The following PNLIPRP3 variants were observed in gnomAD, a reference collection of about 807,000 sequenced individuals.
The protein encoded by PNLIPRP3 is pancreatic lipase-related protein 3.
Under a neutral mutation model 52.8 loss-of-function variants are expected in PNLIPRP3, and 58 were observed. The ratio of observed to expected loss-of-function variants is 1.10; its 90% confidence interval spans 0.89 to 1.37. PNLIPRP3 has a LOEUF of 1.37. PNLIPRP3 is among the 40% of genes most tolerant of loss of function. PNLIPRP3 has a pLI of 0.00. For missense variants in PNLIPRP3, 593 were observed against 561.6 expected (o/e 1.06, Z -0.57); for synonymous variants, 192 against 185.0 (o/e 1.04, Z -0.31).
chr10:116,438,432 T>A (rs529209014), intron 2 of PNLIPRP3, among the ~76,000 whole-genome samples: 40 of 152,286 alleles, frequency 2.6e-4, no homozygotes, highest in African/African-American at 9.1e-4. Context: ...GGCAGTCTTC[T>A]CCTATGCACT....
At chr10:116,442,405 C>A (rs58768950) in intron 2 of PNLIPRP3, among the ~76,000 whole-genome samples, 3,368 of 152,218 alleles carry the variant, frequency 0.022, 134 homozygotes, top group African/African-American at 0.078. Context: ...TGCTTCTAGG[C>A]ATGTTTTAAT....
At position 116,468,126 on chromosome 10, in the gene PNLIPRP3, C is replaced by CAAAAA. The variant is rs5788168; in HGVS notation, c.928-1037_928-1033dup. ...GGCAACAGAGCCAGACTCTGTCTCGCAAAAAAAAAAAAAAAAAAAAAAAAA... is the reference window on the plus strand; with the variant it reads ...GGCAACAGAGCCAGACTCTGTCTCGCAAAAAAAAAAAAAAAAAAAAAAAAAAAAAA... On this transcript the variant is annotated intron_variant, in intron 8 of 11. Coordinates refer to ENST00000369230, the MANE Select transcript of PNLIPRP3 (RefSeq NM_001011709.3). Among the ~76,000 whole-genome samples, 6 of 39,496 alleles carry CAAAAA rather than the reference C, an allele frequency of 1.5e-4. 1 individual carries two copies. The highest frequency in any genetic ancestry group is 1.9e-4 in the Non-Finnish European group (5 of 25,714). 25.9% of individuals were successfully genotyped at this position (39,496 alleles called of 152,430 possible).
At chr10:116,442,636 G>C (rs556125724) in intron 2 of PNLIPRP3, among the ~76,000 whole-genome samples, 3 of 152,138 alleles carry the variant, frequency 2.0e-5, no homozygotes, top group African/African-American at 2.4e-5. Flanking sequence ...GGCTGAGGTA[G>C]GAAGATCACT....
chr10:116,443,841 ATATG>A (rs1845901590), intron 3 of PNLIPRP3, among the ~76,000 whole-genome samples: 1 of 136,200 alleles, frequency 7.3e-6, no homozygotes, highest in African/African-American at 2.8e-5. Flanking sequence ...ATATATATAT[ATATG>A]GGTTAGGACA....
At chr10:116,433,667 A>G (rs1012050495) in intron 1 of PNLIPRP3, among the ~76,000 whole-genome samples, 2 of 151,520 alleles carry the variant, frequency 1.3e-5, no homozygotes, top group Non-Finnish European at 2.9e-5. Flanking sequence ...CATGGAAGAG[A>G]GTATTCTAAG....
intron 2 of PNLIPRP3, among the ~76,000 whole-genome samples, chr10:116,438,722 A>C (rs1285261388): frequency 6.6e-6 from 1 of 152,184 alleles, no homozygotes; most frequent in Non-Finnish European, 1.5e-5. Context: ...ATGTACTTAA[A>C]ACAAGGATTT....
In PNLIPRP3 at chr10:116,436,838, C is replaced by T. The variant is rs1211059581; in HGVS notation, c.177C>T (p.Tyr59=). ...PEKINTRFLL[Y]TIHNPNAYQE... ...AGATAAACACTCGTTTCCTGCTCTA[C>T]ACTATACACAATCCCAATGCCTATC... The change falls in exon 2 of 12, where the codon TAC becomes TAT. Residue 59 remains tyrosine, a synonymous_variant. Coordinates refer to ENST00000369230, the MANE Select transcript of PNLIPRP3 (RefSeq NM_001011709.3). 2 of 1,608,976 alleles carry T rather than the reference C, an allele frequency of 1.2e-6. No homozygotes were observed. Among genetic ancestry groups the T allele is most frequent in the Admixed American group, 1.7e-5 (1 of 59,454 alleles).
chr10:116,476,848 C>A (rs578158473), intron 11 of PNLIPRP3, 29 bp downstream of exon 11: 1 of 1,528,308 alleles, frequency 6.5e-7, no homozygotes. Flanking sequence ...TTTTCATTTT[C>A]GTAGTTTACA....
intron 7 of PNLIPRP3, among the ~76,000 whole-genome samples, chr10:116,461,797 C>T (rs926795965): frequency 5.9e-5 from 9 of 152,108 alleles, no homozygotes; most frequent in Non-Finnish European, 1.0e-4. Flanking sequence ...GTAAGGGAGT[C>T]CTTACTGAAA....
At chr10:116,474,709 T>A (rs1305019783) in intron 10 of PNLIPRP3, among the ~76,000 whole-genome samples, 2 of 152,206 alleles carry the variant, frequency 1.3e-5, no homozygotes, top group African/African-American at 4.8e-5. Context: ...AAGCTCAACA[T>A]CACTGATCAT....
intron 2 of PNLIPRP3, chr10:116,440,046 C>T: frequency 1.3e-6 from 1 of 747,942 alleles, no homozygotes; most frequent in Non-Finnish European, 2.4e-6. Context: ...CTTTAGCCAT[C>T]CTGACTGTAT....
At chr10:116,446,040 G>A (rs1207925267) in intron 4 of PNLIPRP3, among the ~76,000 whole-genome samples, 1 of 152,100 alleles carries the variant, frequency 6.6e-6, no homozygotes, top group African/African-American at 2.4e-5. Flanking sequence ...AAAGAAAATA[G>A]TCATTTAAAA....
At chr10:116,471,318 TA>T (rs1846368769) in intron 9 of PNLIPRP3, among the ~76,000 whole-genome samples, 1 of 152,182 alleles carries the variant, frequency 6.6e-6, no homozygotes. Flanking sequence ...ACTTTGCCTC[TA>T]AATGATTATA....
intron 8 of PNLIPRP3, among the ~76,000 whole-genome samples, chr10:116,468,966 A>G (rs1047926608): frequency 1.3e-5 from 2 of 152,230 alleles, no homozygotes; most frequent in African/African-American, 2.4e-5. Context: ...GTCTATTCAT[A>G]TCATCTACCC....
intron 4 of PNLIPRP3, among the ~76,000 whole-genome samples, chr10:116,455,087 T>C (rs1846091913): frequency 6.6e-6 from 1 of 152,358 alleles, no homozygotes; most frequent in African/African-American, 2.4e-5. Flanking sequence ...TGTGAGGTGA[T>C]ATCTCATTGT....
intron 1 of PNLIPRP3, among the ~76,000 whole-genome samples, chr10:116,431,923 C>CA (rs1253773261): frequency 6.6e-6 from 1 of 152,088 alleles, no homozygotes; most frequent in Non-Finnish European, 1.5e-5. Context: ...CTCTCCCCCC[C>CA]AGGTCTTGAT....
chr10:116,437,939 G>C (rs1344759130), intron 2 of PNLIPRP3, among the ~76,000 whole-genome samples: 2 of 152,152 alleles, frequency 1.3e-5, no homozygotes, highest in Admixed American at 1.3e-4. Context: ...GAAAGCTATA[G>C]TGCAGTTTGG....
Position 116,477,134 on chromosome 10 carries a change from A to G in PNLIPRP3, c.1385A>G (p.Gln462Arg). 1 of 1,595,858 alleles carries G rather than the reference A, an allele frequency of 6.3e-7. No individual in the cohort carries two copies. Among genetic ancestry groups the G allele is most frequent in the Non-Finnish European group, 8.6e-7 (1 of 1,166,354 alleles). Residue 462 changes from glutamine (Q) to arginine (R), a missense_variant, in exon 12 of 12, where the codon CAG (glutamine) becomes CGG (arginine). Physicochemically the swap from Gln to Arg is conservative, Grantham distance 43 (BLOSUM62 1). Transcript: ENST00000369230. The part of the protein sequence containing the change: ...SQDIMGPNIL[Q>R]NLKPC ...GACATTATGGGACCTAATATTCTCC[A>G]GAACCTGAAACCATGCTAATCTCAG...
At chr10:116,451,820 G>A (rs575337296) in intron 4 of PNLIPRP3, among the ~76,000 whole-genome samples, 149 of 141,960 alleles carry the variant, frequency 1.0e-3, no homozygotes, top group African/African-American at 3.7e-3. Context: ...TTTCTTCATA[G>A]CAACACAAGA....
Sources: allele counts gnomAD v4.1 joint callset (sites outside exome capture counted in the v4.1 genomes callset), GRCh38; gene constraint gnomAD v4.1.1; transcripts MANE v1.5; gene names NCBI Gene and HGNC (gene_info 2026-07-23, HGNC 2026-07-21).